Variants in COL18A1 observed in about 807,000 individuals in gnomAD.
COL18A1 encodes the protein collagen alpha-1(XVIII) chain.
A neutral mutation model predicts 168.0 loss-of-function variants in COL18A1; 133 were observed. The observed-to-expected ratio is 0.79, with a 90% CI of 0.69 to 0.91. The LOEUF is 0.91. Ranked by LOEUF, COL18A1 falls within the 40% of genes least tolerant of loss-of-function variation. COL18A1 has a pLI of 0.00. For synonymous variants in COL18A1, 949 were observed against 809.0 expected, an observed-to-expected ratio of 1.17 and a Z score of -2.94; for missense variants, 2,126 against 1,925.4, an observed-to-expected ratio of 1.10 and a Z score of -1.95.
chr21:45,492,598 T>C, intron 23 of COL18A1, 34 bp downstream of exon 23: 1 of 1,612,502 alleles, frequency 6.2e-7, no homozygotes, highest in Non-Finnish European at 8.5e-7. Flanking sequence ...GAGACGGGCC[T>C]GCGGGGACCT....
chr21:45,473,087 C>T lies in COL18A1; in HGVS notation c.652-808C>T, dbSNP rs2035506325. On this transcript the variant is annotated intron_variant, in intron 3 of 41. Transcript: ENST00000651438. This position sits in a 1 kb window ranked among gnomAD's most constrained non-coding sequence, Gnocchi z 4.0. ...CCCCTGGTACTGTGCGCAGCCCCCA[C>T]CTGGCAGCCCCTTTTCCTGTCAAAG... Among the ~76,000 whole-genome samples, 1 of 152,250 alleles carries T rather than the reference C, an allele frequency of 6.6e-6. No homozygotes were observed. The highest frequency in any genetic ancestry group is 2.4e-5 in the African/African-American group (1 of 41,464).
At chr21:45,450,727 A>G (rs1602409351) in intron 2 of COL18A1, among the ~76,000 whole-genome samples, 2 of 152,140 alleles carry the variant, frequency 1.3e-5, no homozygotes, top group Non-Finnish European at 2.9e-5. Context: ...ACCTGTGTTC[A>G]TGGTGGGTGG....
At position 45,457,234 on chromosome 21, in the gene COL18A1, A is replaced by AC; in HGVS notation, c.107-11004dup. Among the ~76,000 whole-genome samples, 1 of 152,160 alleles carries AC rather than the reference A, an allele frequency of 6.6e-6. No individual in the cohort carries two copies. Among genetic ancestry groups the AC allele is most frequent in the Middle Eastern group, 3.4e-3 (1 of 292 alleles). On this transcript the variant is annotated intron_variant, in intron 2 of 41. Transcript: ENST00000651438. This position sits in a 1 kb window ranked among gnomAD's most constrained non-coding sequence, Gnocchi z 4.6. ...GAGGCGTGGGGCAGTGGCGTGACTC[A>AC]CCCCAGGGAGCCGAGATTCCCGCTC... is the stretch of plus-strand genomic sequence containing the variant.
chr21:45,497,066 G>T lies in COL18A1; in HGVS notation c.2594G>T (p.Ser865Ile). The change falls in exon 31 of 42, where the codon AGC becomes ATC. Residue 865 changes from serine to isoleucine, a missense_variant. Transcript: ENST00000651438. Reference sequence around the variant, plus strand: ...TCCTTGCAGGTGTTTGCTGAGTCCAGCCGCCCCGGGCCTCCAGGATTGCCA... The same window carrying T: ...TCCTTGCAGGTGTTTGCTGAGTCCATCCGCCCCGGGCCTCCAGGATTGCCA... ...VYDSNVFAES[S>I]RPGPPGLPGN... is the part of the protein sequence containing the mutation. 1 of 1,601,910 alleles carries T rather than the reference G, an allele frequency of 6.2e-7. No homozygotes were observed.
intron 2 of COL18A1, chr21:45,421,226 A>G (rs1277914358): frequency 2.8e-6 from 1 of 361,234 alleles, no homozygotes; most frequent in East Asian, 7.4e-5. Flanking sequence ...CCCCACCCCC[A>G]TAGGTGCTTG....
intron 1 of COL18A1, 26 bp from the exon 2 acceptor site, chr21:45,405,353 G>T: frequency 1.0e-6 from 1 of 1,000,702 alleles, no homozygotes. Context: ...GTCCTGCGGG[G>T]TCTGACCCGT....
chr21:45,493,351 C>T (rs2145994281), intron 25 of COL18A1, 126 bp downstream of exon 25: 3 of 1,288,272 alleles, frequency 2.3e-6, no homozygotes, highest in East Asian at 2.5e-5. Context: ...GTGAGGGGTA[C>T]ATCCCTGCTC....
chr21:45,454,886 G>T (rs1012656126), intron 2 of COL18A1, among the ~76,000 whole-genome samples: 12 of 152,230 alleles, frequency 7.9e-5, no homozygotes, highest in African/African-American at 2.9e-4. Context: ...CTGGGCAGAA[G>T]GTCAGGAAGG....
At chr21:45,429,010 C>A (rs1164859144) in intron 2 of COL18A1, among the ~76,000 whole-genome samples, 4 of 151,596 alleles carry the variant, frequency 2.6e-5, no homozygotes, top group East Asian at 1.9e-4. Context: ...TCAACTGATT[C>A]TTTTGCCTCA....
chr21:45,501,775 C>T (rs13050062), intron 32 of COL18A1, among the ~76,000 whole-genome samples: 417 of 33,372 alleles, frequency 0.012, 1 homozygote, highest in African/African-American at 0.021. Context: ...AGAAGGACCC[C>T]CAGGGGCTCC....
At chr21:45,442,952 TGCTGATGTG>T (rs2034416306) in intron 2 of COL18A1, among the ~76,000 whole-genome samples, 1 of 134,446 alleles carries the variant, frequency 7.4e-6, no homozygotes. Context: ...TGGGCAGCGG[TGCTGATGTG>T]GGTGGTGGTG....
At position 45,473,617 on chromosome 21, in the gene COL18A1, G is replaced by A. The variant is rs2035526967; in HGVS notation, c.652-278G>A. Among the ~76,000 whole-genome samples the A allele has an allele frequency of 6.6e-6, 1 of 152,140 alleles. No homozygotes were observed. The highest frequency in any genetic ancestry group is 1.5e-5 in the Non-Finnish European group (1 of 68,024). On this transcript the variant is annotated intron_variant, in intron 3 of 41. Coordinates refer to ENST00000651438, the MANE Select transcript of COL18A1 (RefSeq NM_001379500.1). The surrounding 1 kb of genome is among the most constrained non-coding windows in gnomAD (Gnocchi z 4.0). Reference sequence around the variant, plus strand: ...TGTGGTTCTAAACCCGTAGCCCTCAGGTGGCCCATCAGCTGCCTCAGATGA... The same window carrying A: ...TGTGGTTCTAAACCCGTAGCCCTCAAGTGGCCCATCAGCTGCCTCAGATGA...
In COL18A1 at chr21:45,512,317, C is replaced by T; in HGVS notation, c.3939C>T (p.Leu1313=). 1 of 1,612,586 alleles carries T rather than the reference C, an allele frequency of 6.2e-7. No homozygotes were observed. The highest frequency in any genetic ancestry group is 8.5e-7 in the Non-Finnish European group (1 of 1,179,818). Residue 1313 remains leucine (L), a synonymous_variant, in exon 42 of 42, where the codon CTC becomes CTT. Transcript: ENST00000651438. The part of the protein sequence containing the change: ...GQASSLLGGR[L]LGQSAASCHH... ...CCTCCTCGCTGCTGGGGGGCAGGCT[C>T]CTGGGGCAGAGTGCCGCGAGCTGCC...
At chr21:45,499,228 C>T (rs1231781236) in intron 32 of COL18A1, among the ~76,000 whole-genome samples, 3 of 152,220 alleles carry the variant, frequency 2.0e-5, no homozygotes, top group Non-Finnish European at 4.4e-5. Context: ...GGATGACATG[C>T]AGGCCAGCCA....
intron 32 of COL18A1, chr21:45,503,786 T>C (rs1210874716): frequency 4.0e-6 from 1 of 248,080 alleles, no homozygotes; most frequent in Non-Finnish European, 7.4e-6. Flanking sequence ...TAAAGTATAA[T>C]AATAAATTTA....
At chr21:45,504,643 C>A in intron 34 of COL18A1, 87 bp downstream of exon 34, 1 of 1,203,328 alleles carries the variant, frequency 8.3e-7, no homozygotes, top group Non-Finnish European at 1.2e-6. Context: ...CCTTCGACAC[C>A]CGCGAAGGCC....
rs1405006216 is a variant in COL18A1, at chr21:45,441,074, T to C, written c.107-27168T>C. 2.6e-5 allele frequency among the ~76,000 whole-genome samples: 4 copies of C among 152,148 alleles called. No individual in the cohort carries two copies. The East Asian group carries it at 7.7e-4, about 29-fold the overall frequency. Reference sequence around the variant, plus strand: ...GGACACCCGCCTTTCCGCTCCAAGCTCTGCCCACCGCCTCACATGGCCCTG... The same window carrying C: ...GGACACCCGCCTTTCCGCTCCAAGCCCTGCCCACCGCCTCACATGGCCCTG... On this transcript the variant is annotated intron_variant, in intron 2 of 41. Coordinates refer to ENST00000651438, the MANE Select transcript of COL18A1 (RefSeq NM_001379500.1).
At chr21:45,468,926 G>A (rs1027136386) in intron 3 of COL18A1, 140 bp downstream of exon 3, 19 of 911,422 alleles carry the variant, frequency 2.1e-5, no homozygotes, top group Admixed American at 1.2e-4. Flanking sequence ...GGCCTCCAGC[G>A]CAGGCCTCCT....
At chr21:45,429,834 T>C (rs1213215210) in intron 2 of COL18A1, among the ~76,000 whole-genome samples, 1 of 152,146 alleles carries the variant, frequency 6.6e-6, no homozygotes, top group Non-Finnish European at 1.5e-5. Flanking sequence ...CCCGCCTTGG[T>C]TCAGCAGAAC....
Sources: allele counts gnomAD v4.1 joint callset (sites outside exome capture counted in the v4.1 genomes callset), GRCh38; gene constraint gnomAD v4.1.1; non-coding constraint Gnocchi (gnomAD v3.1); transcripts MANE v1.5; gene names NCBI Gene and HGNC (gene_info 2026-07-23, HGNC 2026-07-21).